The following B3GALT1 variants were observed in gnomAD, a reference collection of about 807,000 sequenced individuals.
B3GALT1 encodes UDP-Gal:betaGlcNAc beta 1,3-galactosyltransferase, polypeptide 1.
Under a neutral mutation model 23.2 loss-of-function variants are expected in B3GALT1, and 10 were observed. The observed-to-expected ratio is 0.43, with a 90% CI of 0.27 to 0.73. The LOEUF (loss-of-function observed/expected upper bound fraction) is 0.73. Among genes scored for constraint, B3GALT1 ranks in the 30% least tolerant of loss-of-function variants. B3GALT1 has a pLI of 0.21. For missense variants in B3GALT1, 299 were observed against 405.4 expected (o/e 0.74, Z 2.25); for synonymous variants, 156 against 141.5 (o/e 1.10, Z -0.73).
intron 3 of B3GALT1, among the ~76,000 whole-genome samples, chr2:167,763,719 G>T (rs866862807): frequency 3.4e-5 from 5 of 146,300 alleles, no homozygotes; most frequent in African/African-American, 1.2e-4. Context: ...AAACCTCTAG[G>T]AAACTATTCA....
chr2:167,675,568 A>C (rs1158209824), intron 3 of B3GALT1, among the ~76,000 whole-genome samples: 1 of 152,162 alleles, frequency 6.6e-6, no homozygotes, highest in Non-Finnish European at 1.5e-5. Context: ...AGACTGATAC[A>C]GGTGATTGGA....
intron 3 of B3GALT1, among the ~76,000 whole-genome samples, chr2:167,664,865 G>A (rs1349097410): frequency 6.7e-6 from 1 of 150,210 alleles, no homozygotes; most frequent in Non-Finnish European, 1.5e-5. Flanking sequence ...ATTTTGGGCT[G>A]AGACAATGGG....
intron 1 of B3GALT1, among the ~76,000 whole-genome samples, chr2:167,369,216 G>C (rs1438473817): frequency 1.3e-5 from 2 of 151,876 alleles, no homozygotes; most frequent in Non-Finnish European, 2.9e-5. Flanking sequence ...ATCGTGTATG[G>C]GGCCTCTGTA....
intron 2 of B3GALT1, among the ~76,000 whole-genome samples, chr2:167,554,567 C>T (rs1683810837): frequency 6.6e-6 from 1 of 152,104 alleles, no homozygotes; most frequent in African/African-American, 2.4e-5. Flanking sequence ...CTTCTTTTTC[C>T]TCCCCTTCTA....
intron 1 of B3GALT1, among the ~76,000 whole-genome samples, chr2:167,439,781 T>G (rs925691171): frequency 3.3e-5 from 5 of 152,258 alleles, no homozygotes; most frequent in Non-Finnish European, 5.9e-5. Context: ...AGCAAATGTT[T>G]ATCTATTTCT....
intron 3 of B3GALT1, among the ~76,000 whole-genome samples, chr2:167,712,326 A>C (rs570156862): frequency 4.6e-5 from 7 of 152,096 alleles, no homozygotes; most frequent in Non-Finnish European, 8.8e-5. Context: ...TACCTGCCAG[A>C]TGGTTTCCAG....
chr2:167,383,457 G>A (rs1697873013), intron 1 of B3GALT1, among the ~76,000 whole-genome samples: 1 of 152,014 alleles, frequency 6.6e-6, no homozygotes, highest in Non-Finnish European at 1.5e-5. Flanking sequence ...CCTGGATAAC[G>A]CCTACACATC....
intron 1 of B3GALT1, among the ~76,000 whole-genome samples, chr2:167,332,673 T>C (rs1696992542): frequency 6.6e-6 from 1 of 152,186 alleles, no homozygotes; most frequent in South Asian, 2.1e-4. Context: ...CACAAAACAC[T>C]TCGGAACCAG....
chr2:167,404,996 A>G (rs921477764), intron 1 of B3GALT1, among the ~76,000 whole-genome samples: 2 of 152,166 alleles, frequency 1.3e-5, no homozygotes, highest in Non-Finnish European at 2.9e-5. Context: ...CAATAAGCCA[A>G]TGTTTTAATT....
chr2:167,806,340 C>T (rs1193608572), intron 3 of B3GALT1, among the ~76,000 whole-genome samples: 1 of 152,174 alleles, frequency 6.6e-6, no homozygotes, highest in Non-Finnish European at 1.5e-5. Flanking sequence ...TGTCTGATTG[C>T]CCTGACCAGA....
At chr2:167,302,565 C>A (rs1696468101) in intron 1 of B3GALT1, among the ~76,000 whole-genome samples, 1 of 152,046 alleles carries the variant, frequency 6.6e-6, no homozygotes, top group African/African-American at 2.4e-5. Flanking sequence ...CTTTTCACAT[C>A]TTTATCTTAA....
chr2:167,411,353 A>G (rs2105295701), intron 1 of B3GALT1, among the ~76,000 whole-genome samples: 1 of 146,864 alleles, frequency 6.8e-6, no homozygotes, highest in Non-Finnish European at 1.5e-5. Context: ...AAGAAGCTCA[A>G]ACAACTCAAT....
intron 3 of B3GALT1, among the ~76,000 whole-genome samples, chr2:167,782,376 G>A (rs564098220): frequency 6.6e-6 from 1 of 152,188 alleles, no homozygotes; most frequent in Non-Finnish European, 1.5e-5. Flanking sequence ...TGGTACAGAT[G>A]TGGGGAACTC....
At chr2:167,558,154 G>A (rs913451947) in intron 2 of B3GALT1, 4 of 152,146 alleles carry the variant, frequency 2.6e-5, no homozygotes, top group African/African-American at 9.7e-5. Context: ...AAGACAGTGT[G>A]TGACAACCTG....
rs1406145422 is a variant in B3GALT1 at position 167,521,982 on chromosome 2, G to GTA, written c.-410+31706_-410+31707insAT. Among the ~76,000 whole-genome samples the GTA allele has an allele frequency of 4.9e-3, 661 of 135,202 alleles. 4 individuals are homozygous for GTA. Among genetic ancestry groups the GTA allele is most frequent in the East Asian group, 0.022 (92 of 4,156 alleles). The allele number at this position is 135,202 out of a possible 152,430, so 88.7% of individuals were successfully genotyped here. ...TACCAACATATATGTGTGTGTGTGTGTGTATATATATATATATATATATAC... is the reference window on the plus strand; with the variant it reads ...TACCAACATATATGTGTGTGTGTGTGTATGTATATATATATATATATATATAC... On this transcript the variant is annotated intron_variant, in intron 2 of 4. Coordinates refer to ENST00000392690, the MANE Select transcript of B3GALT1 (RefSeq NM_020981.4).
intron 2 of B3GALT1, among the ~76,000 whole-genome samples, chr2:167,644,779 TAAAAAAAAA>T (rs199652424): frequency 2.2e-5 from 2 of 91,172 alleles, no homozygotes; most frequent in African/African-American, 9.0e-5. Context: ...GACTCTGTCT[TAAAAAAAAA>T]AAAAAAAAAA....
intron 1 of B3GALT1, among the ~76,000 whole-genome samples, chr2:167,413,753 C>T (rs1173900630): frequency 2.0e-5 from 3 of 151,892 alleles, no homozygotes; most frequent in African/African-American, 4.8e-5. Flanking sequence ...TGGTTTATGT[C>T]GTTTACATAT....
chr2:167,298,032 C>T (rs1018874464), intron 1 of B3GALT1, among the ~76,000 whole-genome samples: 3 of 152,028 alleles, frequency 2.0e-5, no homozygotes, highest in African/African-American at 7.2e-5. Context: ...CTTTTTTGCC[C>T]TAGTTTTTCT....
At chr2:167,578,091 A>G (rs1238180406) in intron 2 of B3GALT1, among the ~76,000 whole-genome samples, 1 of 151,918 alleles carries the variant, frequency 6.6e-6, no homozygotes, top group East Asian at 1.9e-4. Context: ...ATGTTAGTGA[A>G]TGGATTTTAT....
Sources: allele counts gnomAD v4.1 joint callset (sites outside exome capture counted in the v4.1 genomes callset), GRCh38; gene constraint gnomAD v4.1.1; transcripts MANE v1.5; gene names NCBI Gene and HGNC (gene_info 2026-07-23, HGNC 2026-07-21).